The following TNPO1 variants were observed in gnomAD, a reference collection of about 807,000 sequenced individuals.
TNPO1 encodes the protein transportin-1.
A neutral mutation model predicts 119.5 loss-of-function variants in TNPO1; 8 were observed. The observed-to-expected ratio is 0.07, with a 90% CI of 0.04 to 0.12. The LOEUF is 0.12. TNPO1 is among the 10% of genes least tolerant of loss of function. The pLI, the probability that TNPO1 is intolerant of heterozygous loss-of-function variation, is 1.00. For synonymous variants in TNPO1, 362 were observed against 363.0 expected (o/e 1.00, Z 0.03); for missense variants, 576 against 1,089.8 (o/e 0.53, Z 6.64).
chr5:72,882,535 A>T lies in TNPO1; in HGVS notation c.981+8A>T, dbSNP rs1487623523. 6.3e-7 allele frequency: 1 copy of T among 1,599,818 alleles called. No individual in the cohort carries two copies. The highest frequency in any genetic ancestry group is 8.5e-7 in the Non-Finnish European group (1 of 1,172,056). ...GATATTATCCTACTTAAGGTAAGGA[A>T]GCTTTTTTGATGAATAGGGAACAAG... On this transcript the variant is annotated splice_region_variant and intron_variant, in intron 10 of 24. Transcript: ENST00000337273.
At chr5:72,826,560 G>T (rs1371286226) in intron 1 of TNPO1, among the ~76,000 whole-genome samples, 2 of 152,150 alleles carry the variant, frequency 1.3e-5, no homozygotes, top group Non-Finnish European at 2.9e-5. Flanking sequence ...CAGATACAGA[G>T]CCTAGAATGT....
chr5:72,907,425 TCTTC>T (rs1750250750), intron 24 of TNPO1, among the ~76,000 whole-genome samples: 1 of 152,166 alleles, frequency 6.6e-6, no homozygotes, highest in Non-Finnish European at 1.5e-5. Context: ...TTTGTACTCC[TCTTC>T]CTTTTCTTCA....
At position 72,906,275 on chromosome 5, in the gene TNPO1, C is replaced by CTTTTTTTTTTTTTTT. The variant is rs869051297; in HGVS notation, c.*35+854_*35+868dup. ...CCATGTGCCCATCACTTTTTTTTTT[C>CTTTTTTTTTTTTTTT]TTTTTTTTTTTTTTTTTTTTTTTTT... is the stretch of plus-strand genomic sequence containing the variant. On this transcript the variant is annotated intron_variant, in intron 24 of 24. Transcript: ENST00000337273. 1.6e-3 allele frequency among the ~76,000 whole-genome samples: 85 copies of CTTTTTTTTTTTTTTT among 54,696 alleles called. 21 individuals are homozygous for CTTTTTTTTTTTTTTT. The highest frequency in any genetic ancestry group is 3.5e-3 in the African/African-American group (52 of 14,700). The allele number at this position is 54,696 out of a possible 152,430, so 35.9% of individuals were successfully genotyped here.
chr5:72,866,652 G>T (rs1746928350), intron 6 of TNPO1, among the ~76,000 whole-genome samples: 1 of 152,134 alleles, frequency 6.6e-6, no homozygotes, highest in Middle Eastern at 3.2e-3. Flanking sequence ...TACTTGAAGG[G>T]TCAAGGTGGG....
At chr5:72,856,834 G>A (rs1395546553) in intron 4 of TNPO1, among the ~76,000 whole-genome samples, 1 of 152,094 alleles carries the variant, frequency 6.6e-6, no homozygotes, top group Non-Finnish European at 1.5e-5. Context: ...ACACACAACT[G>A]GCTATTGGTT....
intron 22 of TNPO1, among the ~76,000 whole-genome samples, chr5:72,901,378 C>T (rs1178051100): frequency 6.6e-6 from 1 of 151,984 alleles, no homozygotes; most frequent in Non-Finnish European, 1.5e-5. Context: ...TTTGTCCCTG[C>T]CTCCCATCCC....
intron 16 of TNPO1, 25 bp from the exon 17 acceptor site, chr5:72,893,352 C>T (rs558646830): frequency 1.9e-6 from 3 of 1,607,374 alleles, no homozygotes; most frequent in Admixed American, 1.7e-5. Flanking sequence ...ACCAAACTTA[C>T]AAAAAACATT....
At chr5:72,839,032 C>T (rs906251239) in intron 1 of TNPO1, among the ~76,000 whole-genome samples, 46 of 152,070 alleles carry the variant, frequency 3.0e-4, no homozygotes, top group African/African-American at 9.9e-4. Flanking sequence ...TGTTATAATA[C>T]GTAAGGCTTT....
At chr5:72,857,003 C>T (rs1226039819) in intron 4 of TNPO1, among the ~76,000 whole-genome samples, 6 of 152,060 alleles carry the variant, frequency 3.9e-5, no homozygotes, top group African/African-American at 9.7e-5. Context: ...AATGAAAGTC[C>T]GTTAAATGAG....
intron 9 of TNPO1, 42 bp downstream of exon 9, chr5:72,877,388 T>C (rs1177237663): frequency 1.1e-6 from 1 of 895,512 alleles, no homozygotes. Flanking sequence ...TTCTTTAATT[T>C]CTTAAGTGAT....
chr5:72,850,330 T>G (rs1745449571), intron 2 of TNPO1, among the ~76,000 whole-genome samples: 4 of 152,340 alleles, frequency 2.6e-5, no homozygotes, highest in Admixed American at 1.3e-4. Context: ...AATTACTGTC[T>G]TGGTTGGAGA....
At chr5:72,834,784 A>AC (rs780697545) in intron 1 of TNPO1, among the ~76,000 whole-genome samples, 2 of 152,094 alleles carry the variant, frequency 1.3e-5, no homozygotes, top group Non-Finnish European at 2.9e-5. Context: ...TTACTCTCTG[A>AC]CTCACCCAGG....
intron 7 of TNPO1, 38 bp downstream of exon 7, chr5:72,872,758 T>A: frequency 1.3e-6 from 1 of 752,944 alleles, no homozygotes; most frequent in Non-Finnish European, 1.9e-6. Flanking sequence ...ACCCCCCAGC[T>A]TTTTTTTTTT....
intron 1 of TNPO1, among the ~76,000 whole-genome samples, chr5:72,828,354 T>C (rs1744295288): frequency 2.0e-5 from 3 of 152,232 alleles, no homozygotes; most frequent in Admixed American, 2.0e-4. Context: ...TTGTGGGGGA[T>C]GAACGGAGTC....
chr5:72,875,789 A>G (rs1488604361), intron 8 of TNPO1, 52 bp downstream of exon 8: 1 of 1,562,084 alleles, frequency 6.4e-7, no homozygotes, highest in Non-Finnish European at 8.8e-7. Flanking sequence ...TAAGAGAAAT[A>G]CTAGATAGAA....
rs2112420687 is a variant in TNPO1 at position 72,883,109 on chromosome 5, A to G, written c.1027A>G (p.Ile343Val). The G allele has an allele frequency of 6.2e-7, 1 of 1,613,966 alleles. No homozygotes were observed. Among genetic ancestry groups the G allele is most frequent in the East Asian group, 2.2e-5 (1 of 44,884 alleles). ...AACGATTCCTGATAGTGAACAGGATATACGGCCACGTTTTCACCGATCGAG... is the reference window on the plus strand; with the variant it reads ...AACGATTCCTGATAGTGAACAGGATGTACGGCCACGTTTTCACCGATCGAG... Reference protein sequence around the residue: ...DETIPDSEQDIRPRFHRSRTV... With the variant: ...DETIPDSEQDVRPRFHRSRTV... The change falls in exon 11 of 25, where the codon ATA becomes GTA. Residue 343 changes from isoleucine (I) to valine (V), a missense_variant. By Grantham distance (29) the Ile-to-Val change is conservative. Transcript: ENST00000337273.
intron 11 of TNPO1, among the ~76,000 whole-genome samples, chr5:72,883,589 A>G (rs548002182): frequency 3.9e-4 from 59 of 152,302 alleles, no homozygotes; most frequent in African/African-American, 1.4e-3. Flanking sequence ...TGTAGCATTC[A>G]CTTGTATTGT....
At chr5:72,819,113 G>A (rs1427012926) in intron 1 of TNPO1, among the ~76,000 whole-genome samples, 2 of 152,182 alleles carry the variant, frequency 1.3e-5, no homozygotes, top group East Asian at 1.9e-4. Context: ...TGCAGGCTGG[G>A]AAGTATAAGA....
chr5:72,848,353 C>G (rs1369727779), intron 1 of TNPO1, 32 bp from the exon 2 acceptor site: 3 of 1,598,100 alleles, frequency 1.9e-6, no homozygotes, highest in Admixed American at 3.4e-5. Context: ...AACAGTTGCT[C>G]CGTCTCTTCC....
Sources: gnomAD v4.1 joint callset for allele counts (sites outside exome capture counted in the v4.1 genomes callset) on GRCh38, gnomAD v4.1.1 for gene constraint, MANE v1.5 for transcripts, NCBI Gene and HGNC (gene_info 2026-07-23, HGNC 2026-07-21) for gene names.